Variants in KCNQ5 observed in about 807,000 individuals in gnomAD.
The protein encoded by KCNQ5 is potassium voltage-gated channel subfamily Q member 5, also known as potassium voltage-gated channel subfamily KQT member 5.
Under a neutral mutation model 98.2 loss-of-function variants are expected in KCNQ5, and 30 were observed. The observed-to-expected ratio is 0.31, with a 90% CI of 0.23 to 0.41. The LOEUF is 0.41. Among genes scored for constraint, KCNQ5 ranks in the 10% least tolerant of loss-of-function variants. The pLI is 1.00. For missense variants in KCNQ5, 835 were observed against 1,182.5 expected, an observed-to-expected ratio of 0.71 and a Z score of 4.31; for synonymous variants, 458 against 449.4, an observed-to-expected ratio of 1.02 and a Z score of -0.24.
At chr6:73,007,291 C>T (rs1014221194) in intron 2 of KCNQ5, among the ~76,000 whole-genome samples, 6 of 152,168 alleles carry the variant, frequency 3.9e-5, no homozygotes, top group Non-Finnish European at 7.4e-5. Context: ...GGAGCATAGA[C>T]TTAAGAATGT....
intron 1 of KCNQ5, among the ~76,000 whole-genome samples, chr6:72,872,522 C>T (rs941759119): frequency 6.6e-6 from 1 of 152,108 alleles, no homozygotes; most frequent in Non-Finnish European, 1.5e-5. Flanking sequence ...GTTTCAAGAT[C>T]TTTACATGGA....
At position 73,003,981 on chromosome 6, in the gene KCNQ5, A is replaced by G. The variant is rs906151575; in HGVS notation, c.472A>G (p.Ser158Gly). The change falls in exon 2 of 14, where the codon AGT becomes GGT. Residue 158 changes from serine to glycine, a missense_variant. Around this residue, in one of 10 missense-constraint regions of KCNQ5, gnomAD observed 20 missense variants for 16.1 expected, o/e 1.24. Coordinates refer to ENST00000370398, the MANE Select transcript of KCNQ5 (RefSeq NM_019842.4). Reference protein sequence around the residue: ...TIPEHTKLASSCLLILEFVMI... With the variant: ...TIPEHTKLASGCLLILEFVMI... ...CCCTGAGCACACAAAATTGGCCTCA[A>G]GTTGCCTCTTGATCCTGGTAAGTGA... 4 of 1,606,906 alleles carry G rather than the reference A, an allele frequency of 2.5e-6. No homozygotes were observed. Among genetic ancestry groups the G allele is most frequent in the Non-Finnish European group, 2.6e-6 (3 of 1,173,792 alleles).
chr6:72,738,351 A>G lies in KCNQ5; in HGVS notation c.398+115764A>G, dbSNP rs184683666. 1.7e-3 allele frequency among the ~76,000 whole-genome samples: 262 copies of G among 152,264 alleles called. 4 individuals carry two copies. Among genetic ancestry groups the G allele is most frequent in the Non-Finnish European group, 3.8e-4 (26 of 68,010 alleles). On this transcript the variant is annotated intron_variant, in intron 1 of 13. Transcript: ENST00000370398. ...GCTGCTTTCAATTCCCAGAGACTTC[A>G]TTATAGAATCCAGATATTCTGGTGT... is the stretch of plus-strand genomic sequence containing the variant.
intron 1 of KCNQ5, among the ~76,000 whole-genome samples, chr6:72,775,980 A>G (rs1320427441): frequency 2.6e-5 from 4 of 152,186 alleles, no homozygotes; most frequent in Non-Finnish European, 5.9e-5. Flanking sequence ...TAAAGTATGG[A>G]CTTTAATAAT....
chr6:73,097,332 C>G (rs879595307), intron 5 of KCNQ5, among the ~76,000 whole-genome samples: 3 of 151,784 alleles, frequency 2.0e-5, no homozygotes, highest in African/African-American at 7.3e-5. Flanking sequence ...ATTTACCTTT[C>G]TGTGCCTGGC....
intron 1 of KCNQ5, among the ~76,000 whole-genome samples, chr6:72,958,779 C>G (rs961334643): frequency 1.8e-4 from 28 of 152,276 alleles, no homozygotes; most frequent in Admixed American, 5.2e-4. Context: ...AACATAATTT[C>G]TTACATTTTC....
At chr6:73,001,455 T>C (rs1351509621) in intron 1 of KCNQ5, among the ~76,000 whole-genome samples, 1 of 152,196 alleles carries the variant, frequency 6.6e-6, no homozygotes, top group Admixed American at 6.5e-5. Flanking sequence ...CATTCAAATA[T>C]TGATGAAGAA....
intron 3 of KCNQ5, among the ~76,000 whole-genome samples, chr6:73,070,400 G>T (rs982847598): frequency 6.6e-6 from 1 of 152,068 alleles, no homozygotes; most frequent in African/African-American, 2.4e-5. Flanking sequence ...TCACCACAGA[G>T]ACAAACAAAA....
At chr6:73,081,793 T>A (rs1215273924) in intron 5 of KCNQ5, among the ~76,000 whole-genome samples, 1 of 152,194 alleles carries the variant, frequency 6.6e-6, no homozygotes, top group African/African-American at 2.4e-5. Context: ...ACCAGTGTCT[T>A]AAATTATAAT....
At chr6:72,905,985 G>T (rs1378898664) in intron 1 of KCNQ5, among the ~76,000 whole-genome samples, 1 of 152,136 alleles carries the variant, frequency 6.6e-6, no homozygotes, top group African/African-American at 2.4e-5. Context: ...TTTGTGTTCA[G>T]TTACCTGGGT....
intron 1 of KCNQ5, among the ~76,000 whole-genome samples, chr6:72,826,534 AT>A (rs1776001639): frequency 2.0e-5 from 3 of 150,766 alleles, no homozygotes; most frequent in East Asian, 3.9e-4. Flanking sequence ...AATGTCTCCT[AT>A]AGGTTCCTGC....
chr6:72,882,542 G>A (rs1581951996), intron 1 of KCNQ5, among the ~76,000 whole-genome samples: 1 of 152,184 alleles, frequency 6.6e-6, no homozygotes, highest in East Asian at 1.9e-4. Context: ...CCATCAGCAG[G>A]TGATGTGTTC....
intron 10 of KCNQ5, among the ~76,000 whole-genome samples, chr6:73,157,256 T>A (rs1265328784): frequency 6.6e-6 from 1 of 152,222 alleles, no homozygotes; most frequent in Non-Finnish European, 1.5e-5. Flanking sequence ...GAGCTGGATC[T>A]GAGCGCCTCA....
chr6:72,741,439 G>T (rs1032880581), intron 1 of KCNQ5, among the ~76,000 whole-genome samples: 1 of 152,102 alleles, frequency 6.6e-6, no homozygotes, highest in African/African-American at 2.4e-5. Flanking sequence ...CCAATGTCTC[G>T]TAGGGCAGTG....
At position 73,111,271 on chromosome 6, in the gene KCNQ5, T is replaced by A. The variant is rs777732904; in HGVS notation, c.1030-37T>A. 6 of 1,450,812 alleles carry A rather than the reference T, an allele frequency of 4.1e-6. No homozygotes were observed. The South Asian group carries it at 7.0e-5, about 17-fold the overall frequency. 89.9% of individuals were successfully genotyped at this position (1,450,812 alleles called of 1,614,324 possible). ...TATTTGTATTATTTAACAGTGCTTTTGAAATTTTTGAGTGCCATTTTTGTA... is the reference window on the plus strand; with the variant it reads ...TATTTGTATTATTTAACAGTGCTTTAGAAATTTTTGAGTGCCATTTTTGTA... On this transcript the variant is annotated intron_variant, in intron 6 of 13. Coordinates refer to ENST00000370398, the MANE Select transcript of KCNQ5 (RefSeq NM_019842.4).
At chr6:72,783,341 A>G (rs781604421) in intron 1 of KCNQ5, among the ~76,000 whole-genome samples, 70 of 152,212 alleles carry the variant, frequency 4.6e-4, no homozygotes, top group Admixed American at 6.5e-5. Flanking sequence ...CTGAAATCCT[A>G]CATTTGCGTG....
chr6:72,760,501 C>T (rs896838008), intron 1 of KCNQ5, among the ~76,000 whole-genome samples: 8 of 150,270 alleles, frequency 5.3e-5, no homozygotes, highest in Admixed American at 1.3e-4. Context: ...CTTGTTTGTG[C>T]GTAGCCTGTG....
At chr6:72,979,850 G>T (rs1325853955) in intron 1 of KCNQ5, among the ~76,000 whole-genome samples, 2 of 152,162 alleles carry the variant, frequency 1.3e-5, no homozygotes, top group Non-Finnish European at 2.9e-5. Flanking sequence ...ATTAATTTTT[G>T]TATAAGGTGT....
At chr6:72,815,720 G>T in intron 1 of KCNQ5, among the ~76,000 whole-genome samples, 1 of 152,200 alleles carries the variant, frequency 6.6e-6, no homozygotes, top group East Asian at 1.9e-4. Flanking sequence ...CTATTGGGCA[G>T]TGAGTTTAGA....
Sources: gnomAD v4.1 joint callset for allele counts (sites outside exome capture counted in the v4.1 genomes callset) on GRCh38, gnomAD v4.1.1 for gene constraint, gnomAD v4.1.1 regional missense constraint, MANE v1.5 for transcripts, NCBI Gene and HGNC (gene_info 2026-07-23, HGNC 2026-07-21) for gene names.